SRSF6: variants seen among roughly 807,000 people sequenced by gnomAD.
SRSF6 encodes serine/arginine-rich splicing factor 6.
SRSF6 carries 17 observed loss-of-function variants against 42.0 expected under a neutral mutation model. The observed-to-expected ratio is 0.40, with a 90% CI of 0.28 to 0.61. The LOEUF is 0.61. Among genes scored for constraint, SRSF6 ranks in the 20% least tolerant of loss-of-function variants. SRSF6 has a pLI of 0.37. For synonymous variants in SRSF6, 204 were observed against 166.7 expected (o/e 1.22, Z -1.72); for missense variants, 379 against 471.4 (o/e 0.80, Z 1.81).
intron 1 of SRSF6, 22 bp from the exon 2 acceptor site, chr20:43,458,339 C>T (rs763396001): frequency 9.8e-6 from 15 of 1,524,118 alleles, no homozygotes; most frequent in Non-Finnish European, 1.3e-5. Context: ...CCGCGGTTGT[C>T]CGGCCCTCGC....
chr20:43,460,574 G>A lies in SRSF6; in HGVS notation c.650G>A (p.Arg217Gln), dbSNP rs199767061. ...RSRRSSRSRS[R>Q]SISKSRSRSR... Reference sequence around the variant, plus strand: ...CGCAGGAGCAGCCGCAGTAGATCTCGAAGTATCTCAAAAAGTCGCTCCCGG... The same window carrying A: ...CGCAGGAGCAGCCGCAGTAGATCTCAAAGTATCTCAAAAAGTCGCTCCCGG... Residue 217 changes from arginine (R) to glutamine (Q), a missense_variant, in exon 5 of 6, where the codon CGA (arginine) becomes CAA (glutamine). Arg to Gln is a conservative substitution (Grantham distance 43). Coordinates refer to ENST00000244020, the MANE Select transcript of SRSF6 (RefSeq NM_006275.6). The A allele has an allele frequency of 1.2e-5, 20 of 1,614,022 alleles. No individual in the cohort carries two copies. Among genetic ancestry groups the A allele is most frequent in the Admixed American group, 5.0e-5 (3 of 60,006 alleles).
rs192310701 is a variant in SRSF6 at position 43,461,092 on chromosome 20, T to C, written c.*29T>C. On this transcript the variant is annotated 3_prime_UTR_variant, in exon 6 of 6. Transcript: ENST00000244020. ...AGAACTCCTTGTTTGCACATTATTA[T>C]GGAACACTTTCCTACTTAGGCAGTT... The C allele has an allele frequency of 3.9e-6, 6 of 1,526,010 alleles. No individual in the cohort carries two copies. In the East Asian group the frequency reaches 9.1e-5, roughly 23 times the overall value. 94.5% of individuals were successfully genotyped at this position (1,526,010 alleles called of 1,614,324 possible).
rs34934568 is a variant in SRSF6, at chr20:43,460,500, T to G, written c.591-15T>G. 6.2e-7 allele frequency: 1 copy of G among 1,611,226 alleles called. No homozygotes were observed. Among genetic ancestry groups the G allele is most frequent in the Non-Finnish European group, 8.5e-7 (1 of 1,177,982 alleles). The stretch of plus-strand genomic sequence containing the variant: ...TTGGATTGGGATTAAGACTTCATTG[T>G]TTTTCTCCTAATAGGTCTCGATCTA... On this transcript the variant is annotated splice_polypyrimidine_tract_variant and intron_variant, in intron 4 of 5. Coordinates refer to ENST00000244020, the MANE Select transcript of SRSF6 (RefSeq NM_006275.6).
chr20:43,459,550 C>A, intron 2 of SRSF6: 1 of 1,286,310 alleles, frequency 7.8e-7, no homozygotes, highest in Non-Finnish European at 1.0e-6. Context: ...AAGGAGCAGT[C>A]ACTCTCTAAC....
chr20:43,458,272 G>T, intron 1 of SRSF6, 89 bp from the exon 2 acceptor site: 1 of 1,398,030 alleles, frequency 7.2e-7, no homozygotes, highest in African/African-American at 1.5e-5. Context: ...GCGGCGTCGC[G>T]GGGGCGCGCG....
At position 43,460,496 on chromosome 20, in the gene SRSF6, AT is replaced by A. The variant is rs1326141292; in HGVS notation, c.591-17del. Reference sequence around the variant, plus strand: ...TAAGTTGGATTGGGATTAAGACTTCATTGTTTTTCTCCTAATAGGTCTCGAT... The same window carrying A: ...TAAGTTGGATTGGGATTAAGACTTCATGTTTTTCTCCTAATAGGTCTCGAT... On this transcript the variant is annotated intron_variant, in intron 4 of 5. Coordinates refer to ENST00000244020, the MANE Select transcript of SRSF6 (RefSeq NM_006275.6). 1.9e-6 allele frequency: 3 copies of A among 1,611,588 alleles called. No individual in the cohort carries two copies. The highest frequency in any genetic ancestry group is 1.7e-5 in the Admixed American group (1 of 59,914).
chr20:43,461,337 G>GTTTTTTTGTTTTTTT lies in SRSF6; in HGVS notation c.*281_*282insGTTTTTTTTTTTTTT, dbSNP rs2017589818. Reference sequence around the variant, plus strand: ...GTAAAGATTAAGCTCATTTAGTGTTGTTTTTTTTTTTTTTTTTTTTTTTTT... The same window carrying GTTTTTTTGTTTTTTT: ...GTAAAGATTAAGCTCATTTAGTGTTGTTTTTTTGTTTTTTTTTTTTTTTTTTTTTTTTTTTTTTTT... On this transcript the variant is annotated 3_prime_UTR_variant, in exon 6 of 6. Coordinates refer to ENST00000244020, the MANE Select transcript of SRSF6 (RefSeq NM_006275.6). The GTTTTTTTGTTTTTTT allele has an allele frequency of 2.3e-5, 1 of 43,768 alleles. No individual in the cohort carries two copies. The highest frequency in any genetic ancestry group is 8.2e-5 in the African/African-American group (1 of 12,192). The allele number at this position is 43,768 out of a possible 1,614,324, so 2.7% of individuals were successfully genotyped here.
chr20:43,461,251 T>TC lies in SRSF6; in HGVS notation c.*191dup. The TC allele has an allele frequency of 1.6e-6, 1 of 628,968 alleles. No homozygotes were observed. The highest frequency in any genetic ancestry group is 2.3e-6 in the Non-Finnish European group (1 of 437,490). The allele number at this position is 628,968 out of a possible 1,614,324, so 39.0% of individuals were successfully genotyped here. ...AGGAAATGGTGGCATGAAGACCCTC[T>TC]CCCTTCTTTGTAGAATTAAGATAAC... On this transcript the variant is annotated 3_prime_UTR_variant, in exon 6 of 6. Transcript: ENST00000244020.
Position 43,458,013 on chromosome 20 carries a change from G to C in SRSF6, c.-21G>C, listed in dbSNP as rs777464763. ...GTCCGCCGTTCGACAACCAGCCCTT[G>C]GGTCCCCGCCCGCCACGGACATGCC... On this transcript the variant is annotated 5_prime_UTR_variant, in exon 1 of 6. Coordinates refer to ENST00000244020, the MANE Select transcript of SRSF6 (RefSeq NM_006275.6). 6.2e-7 allele frequency: 1 copy of C among 1,601,952 alleles called. No individual in the cohort carries two copies. Among genetic ancestry groups the C allele is most frequent in the Non-Finnish European group, 8.5e-7 (1 of 1,173,934 alleles).
rs1347752686 is a variant in SRSF6 at position 43,457,916 on chromosome 20, C to T, written c.-118C>T. On this transcript the variant is annotated 5_prime_UTR_variant, in exon 1 of 6. Coordinates refer to ENST00000244020, the MANE Select transcript of SRSF6 (RefSeq NM_006275.6). Reference sequence around the variant, plus strand: ...GCGCCATTGTGTGGCTGGACTCGGCCGCCCCTGTGGTGTGAGGCGCGTGTT... The same window carrying T: ...GCGCCATTGTGTGGCTGGACTCGGCTGCCCCTGTGGTGTGAGGCGCGTGTT... 32 of 786,820 alleles carry T rather than the reference C, an allele frequency of 4.1e-5. No homozygotes were observed. Among genetic ancestry groups the T allele is most frequent in the Middle Eastern group, 3.8e-4 (1 of 2,656 alleles). 48.7% of individuals were successfully genotyped at this position (786,820 alleles called of 1,614,324 possible). A position where few individuals can be genotyped will look rare whatever the true frequency, so the allele number is the denominator to read the frequency against.
In SRSF6 at chr20:43,459,903, T is replaced by G; in HGVS notation, c.381+8T>G. 2 of 1,602,198 alleles carry G rather than the reference T, an allele frequency of 1.2e-6. No individual in the cohort carries two copies. On this transcript the variant is annotated splice_region_variant and intron_variant, in intron 3 of 5. Coordinates refer to ENST00000244020, the MANE Select transcript of SRSF6 (RefSeq NM_006275.6). ...AGTTGGCAAGATTTAAAGGTATGTT[T>G]TGTAATTCAAGATAGAAATGATATG...
At chr20:43,458,296 G>T in intron 1 of SRSF6, 65 bp from the exon 2 acceptor site, 1 of 1,423,570 alleles carries the variant, frequency 7.0e-7, no homozygotes, top group East Asian at 2.9e-5. Context: ...GGGTACGGGC[G>T]CGCGCACGTG....
chr20:43,459,758 T>G lies in SRSF6; in HGVS notation c.257-13T>G. ...ATTACAAGGCATCTAATTGTTCCCT[T>G]CATGTGATAAAGGTGGTGGAGGTGG... On this transcript the variant is annotated splice_polypyrimidine_tract_variant and intron_variant, in intron 2 of 5. Transcript: ENST00000244020. The G allele has an allele frequency of 2.5e-6, 4 of 1,612,708 alleles. No individual in the cohort carries two copies. The highest frequency in any genetic ancestry group is 2.5e-6 in the Non-Finnish European group (3 of 1,180,024).
Position 43,458,380 on chromosome 20 carries a change from G to C in SRSF6, c.127G>C (p.Glu43Gln), listed in dbSNP as rs1216408495. ...CCCTAGGTACGGCTTCGTGGAGTTCGAGGACTCCCGCGACGCCGACGACGC... is the reference window on the plus strand; with the variant it reads ...CCCTAGGTACGGCTTCGTGGAGTTCCAGGACTCCCGCGACGCCGACGACGC... ...LKNGYGFVEFEDSRDADDAVY... is the reference protein window; with the variant it reads ...LKNGYGFVEFQDSRDADDAVY... Residue 43 changes from glutamate (E) to glutamine (Q), a missense_variant, in exon 2 of 6, where the codon GAG becomes CAG. Around this residue, in one of 3 missense-constraint regions of SRSF6, gnomAD observed 117 missense variants for 146.8 expected, o/e 0.80. Transcript: ENST00000244020. The C allele has an allele frequency of 1.3e-6, 2 of 1,561,198 alleles. No individual in the cohort carries two copies. The highest frequency in any genetic ancestry group is 1.7e-6 in the Non-Finnish European group (2 of 1,158,002).
Position 43,460,792 on chromosome 20 carries a change from G to A in SRSF6, c.764G>A (p.Arg255Gln), listed in dbSNP as rs199769549. ...SKSKSKPKSD[R>Q]GSHSHSRSRS... ...AGCAAATCTAAGCCCAAGTCTGATC[G>A]GGGCTCCCATTCACATTCTCGAAGC... The change falls in exon 6 of 6, where the codon CGG becomes CAG. Residue 255 changes from arginine to glutamine, a missense_variant. By Grantham distance (43) the Arg-to-Gln change is conservative. Around this residue, in one of 3 missense-constraint regions of SRSF6, gnomAD observed 219 missense variants for 216.1 expected, o/e 1.01. Transcript: ENST00000244020. 8 of 1,613,946 alleles carry A rather than the reference G, an allele frequency of 5.0e-6. No individual in the cohort carries two copies. The highest frequency in any genetic ancestry group is 3.3e-5 in the Admixed American group (2 of 59,972).
rs368201739 is a variant in SRSF6, at chr20:43,460,098, T to C, written c.447T>C (p.Gly149=). Reference sequence around the variant, plus strand: ...CCCACAAGGAACGAACAAATGAGGGTGTAATTGAGTTTCGCTCCTACTCTG... The same window carrying C: ...CCCACAAGGAACGAACAAATGAGGGCGTAATTGAGTTTCGCTCCTACTCTG... The part of the protein sequence containing the change: ...ADAHKERTNE[G]VIEFRSYSDM... The change falls in exon 4 of 6, where the codon GGT becomes GGC. Residue 149 remains glycine, a synonymous_variant. Transcript: ENST00000244020. 1.9e-6 allele frequency: 3 copies of C among 1,614,044 alleles called. No homozygotes were observed. In the South Asian group the frequency reaches 3.3e-5, roughly 18 times the overall value.
chr20:43,460,505 C>T lies in SRSF6; in HGVS notation c.591-10C>T, dbSNP rs2017567713. 1 of 1,611,698 alleles carries T rather than the reference C, an allele frequency of 6.2e-7. No homozygotes were observed. The highest frequency in any genetic ancestry group is 1.3e-5 in the African/African-American group (1 of 74,838). Reference sequence around the variant, plus strand: ...TTGGGATTAAGACTTCATTGTTTTTCTCCTAATAGGTCTCGATCTAGAAGA... The same window carrying T: ...TTGGGATTAAGACTTCATTGTTTTTTTCCTAATAGGTCTCGATCTAGAAGA... On this transcript the variant is annotated splice_polypyrimidine_tract_variant and intron_variant, in intron 4 of 5. Coordinates refer to ENST00000244020, the MANE Select transcript of SRSF6 (RefSeq NM_006275.6).
In SRSF6 at chr20:43,463,915, A is replaced by G. The variant is rs1387650622; in HGVS notation, c.*2852A>G. 6.6e-6 allele frequency: 1 copy of G among 152,252 alleles called. No homozygotes were observed. Among genetic ancestry groups the G allele is most frequent in the African/African-American group, 2.4e-5 (1 of 41,474 alleles). The allele number at this position is 152,252 out of a possible 1,614,324, so 9.4% of individuals were successfully genotyped here. ...CAAATACAATTTTATTTACAAATATACATGGTTGGACCATACCTTGGAATC... is the reference window on the plus strand; with the variant it reads ...CAAATACAATTTTATTTACAAATATGCATGGTTGGACCATACCTTGGAATC... On this transcript the variant is annotated 3_prime_UTR_variant, in exon 6 of 6. Coordinates refer to ENST00000244020, the MANE Select transcript of SRSF6 (RefSeq NM_006275.6).
chr20:43,460,614 T>C lies in SRSF6; in HGVS notation c.674+16T>C. 1 of 1,614,136 alleles carries C rather than the reference T, an allele frequency of 6.2e-7. No homozygotes were observed. Among genetic ancestry groups the C allele is most frequent in the Non-Finnish European group, 8.5e-7 (1 of 1,179,966 alleles). ...GTCGCTCCCGGTAAATAACGTTGTG[T>C]TGAGTCACTGTGAATATTACCGTAC... is the stretch of plus-strand genomic sequence containing the variant. On this transcript the variant is annotated intron_variant, in intron 5 of 5. Coordinates refer to ENST00000244020, the MANE Select transcript of SRSF6 (RefSeq NM_006275.6).
Sources: gnomAD v4.1 joint callset for allele counts on GRCh38, gnomAD v4.1.1 for gene constraint, gnomAD v4.1.1 regional missense constraint, MANE v1.5 for transcripts, NCBI Gene and HGNC (gene_info 2026-07-23, HGNC 2026-07-21) for gene names.